Variants in DHX37 observed in about 807,000 individuals in gnomAD.
The protein encoded by DHX37 is probable ATP-dependent RNA helicase DHX37.
DHX37 carries 52 observed loss-of-function variants against 134.3 expected under a neutral mutation model. That is an observed-to-expected ratio of 0.39 (90% CI 0.31 to 0.49). DHX37 has a LOEUF of 0.49. Ranked by LOEUF, DHX37 falls within the 20% of genes least tolerant of loss-of-function variation. The pLI, the probability that DHX37 is intolerant of heterozygous loss-of-function variation, is 0.93. For missense variants in DHX37, 1,344 were observed against 1,580.8 expected (o/e 0.85, Z 2.54); for synonymous variants, 634 against 670.7 (o/e 0.95, Z 0.85).
chr12:124,964,339 A>G, intron 15 of DHX37, 55 bp downstream of exon 15: 1 of 1,602,982 alleles, frequency 6.2e-7, no homozygotes, highest in Middle Eastern at 2.1e-4. Flanking sequence ...CTTGTTCCTC[A>G]GTGGCTATTG....
rs1156376706 is a variant in DHX37 at position 124,975,458 on chromosome 12, A to G, written c.941T>C (p.Met314Thr). 1.2e-6 allele frequency: 2 copies of G among 1,612,994 alleles called. No individual in the cohort carries two copies. Among genetic ancestry groups the G allele is most frequent in the East Asian group, 4.5e-5 (2 of 44,874 alleles). Reference protein sequence around the residue: ...TEPRRVAAVAMSQRVAKEMNL... With the variant: ...TEPRRVAAVATSQRVAKEMNL... ...CATCTCCTTGGCCACTCGCTGGGAC[A>G]TGGCCACGGCGGCCACTCGGCGGGG... Residue 314 changes from methionine (M) to threonine (T), a missense_variant, in exon 6 of 27, where the codon ATG becomes ACG. This residue lies in a region of DHX37 where 32 missense variants were observed against 28.9 expected (regional missense o/e 1.11). Coordinates refer to ENST00000308736, the MANE Select transcript of DHX37 (RefSeq NM_032656.4).
intron 2 of DHX37, among the ~76,000 whole-genome samples, chr12:124,983,082 A>C (rs75697627): frequency 0.017 from 2,532 of 151,978 alleles, 65 homozygotes; most frequent in East Asian, 0.073. Flanking sequence ...TTTTTACTTT[A>C]TTGTTCTTGT....
chr12:124,957,113 G>A lies in DHX37; in HGVS notation c.2180C>T (p.Thr727Met), dbSNP rs371186622. ...AAGAAGGGCTTCCACGGAGGGGGGCGTCGGGAAGGGGAAGTTGATGACCTG... is the reference window on the plus strand; with the variant it reads ...AAGAAGGGCTTCCACGGAGGGGGGCATCGGGAAGGGGAAGTTGATGACCTG... ...VEKVINFPFPTPPSVEALLAA... is the reference protein window; with the variant it reads ...VEKVINFPFPMPPSVEALLAA... The change falls in exon 17 of 27, where the codon ACG becomes ATG. Residue 727 changes from threonine to methionine, a missense_variant. Around this residue, in one of 7 missense-constraint regions of DHX37, gnomAD observed 558 missense variants for 650.0 expected, o/e 0.86. Transcript: ENST00000308736. The A allele has an allele frequency of 2.9e-5, 43 of 1,496,124 alleles. No individual in the cohort carries two copies. Among genetic ancestry groups the A allele is most frequent in the East Asian group, 1.2e-4 (5 of 40,448 alleles). 92.7% of individuals were successfully genotyped at this position (1,496,124 alleles called of 1,614,324 possible). A position where few individuals can be genotyped will look rare whatever the true frequency, so the allele number is the denominator to read the frequency against.
rs1472363197 is a variant in DHX37 at position 124,986,269 on chromosome 12, A to G, written c.107-4T>C. On this transcript the variant is annotated splice_region_variant and splice_polypyrimidine_tract_variant and intron_variant, in intron 1 of 26. Coordinates refer to ENST00000308736, the MANE Select transcript of DHX37 (RefSeq NM_032656.4). ...ACTCCCTTCAACGTGTCCTTGTCTG[A>G]GAGAGCACAGTTATTAAGTCCCCAT... 1 of 1,612,888 alleles carries G rather than the reference A, an allele frequency of 6.2e-7. No homozygotes were observed. Among genetic ancestry groups the G allele is most frequent in the African/African-American group, 1.3e-5 (1 of 74,660 alleles).
chr12:124,982,893 A>C (rs1291529174), intron 2 of DHX37, among the ~76,000 whole-genome samples: 1 of 152,094 alleles, frequency 6.6e-6, no homozygotes, highest in Admixed American at 6.6e-5. Flanking sequence ...CCAGATGTCC[A>C]TCAACAGGAG....
At position 124,954,071 on chromosome 12, in the gene DHX37, C is replaced by T. The variant is rs375161391; in HGVS notation, c.2578+16G>A. On this transcript the variant is annotated intron_variant, in intron 19 of 26. Coordinates refer to ENST00000308736, the MANE Select transcript of DHX37 (RefSeq NM_032656.4). ...GGGTGACCCTCCCGCCACCCTCCAACGGGCAGGGCACAAACCCAGCAGCAC... is the reference window on the plus strand; with the variant it reads ...GGGTGACCCTCCCGCCACCCTCCAATGGGCAGGGCACAAACCCAGCAGCAC... The T allele has an allele frequency of 3.5e-5, 57 of 1,605,780 alleles. No individual in the cohort carries two copies. The highest frequency in any genetic ancestry group is 8.4e-5 in the Admixed American group (5 of 59,510).
Position 124,949,649 on chromosome 12 carries a change from A to T in DHX37, c.3290+337T>A, listed in dbSNP as rs1222887789. Among the ~76,000 whole-genome samples, 1 of 152,186 alleles carries T rather than the reference A, an allele frequency of 6.6e-6. No homozygotes were observed. The highest frequency in any genetic ancestry group is 1.5e-5 in the Non-Finnish European group (1 of 68,030). Reference sequence around the variant, plus strand: ...AAATGTCATGAGTTAAGGAGAGGTCATCCTGGAGTAGGGTGGGCCCTGAAT... The same window carrying T: ...AAATGTCATGAGTTAAGGAGAGGTCTTCCTGGAGTAGGGTGGGCCCTGAAT... On this transcript the variant is annotated intron_variant, in intron 25 of 26. Transcript: ENST00000308736. The surrounding 1 kb of genome is among the most constrained non-coding windows in gnomAD (Gnocchi z 4.0).
chr12:124,958,546 C>T (rs1472264020), intron 16 of DHX37, among the ~76,000 whole-genome samples: 1 of 152,204 alleles, frequency 6.6e-6, no homozygotes, highest in Non-Finnish European at 1.5e-5. Flanking sequence ...ACACTAGTAA[C>T]TCCCTCCTAG....
intron 15 of DHX37, among the ~76,000 whole-genome samples, chr12:124,964,026 A>G (rs897815915): frequency 5.3e-5 from 8 of 151,424 alleles, no homozygotes; most frequent in African/African-American, 1.9e-4. Context: ...AAATAAATAC[A>G]TATAATAAAA....
At chr12:124,963,249 G>A (rs1434624504) in intron 15 of DHX37, among the ~76,000 whole-genome samples, 2 of 152,224 alleles carry the variant, frequency 1.3e-5, no homozygotes, top group African/African-American at 2.4e-5. Context: ...GGCCAGACAC[G>A]AGGGGCCACA....
At chr12:124,982,893 A>G (rs1291529174) in intron 2 of DHX37, among the ~76,000 whole-genome samples, 1 of 152,094 alleles carries the variant, frequency 6.6e-6, no homozygotes, top group East Asian at 1.9e-4. Flanking sequence ...CCAGATGTCC[A>G]TCAACAGGAG....
chr12:124,978,705 G>A (rs1026910508), intron 4 of DHX37, among the ~76,000 whole-genome samples: 3 of 151,186 alleles, frequency 2.0e-5, no homozygotes, highest in African/African-American at 7.3e-5. Context: ...GCAGAGGACT[G>A]CTTGAGGTCA....
At position 124,964,588 on chromosome 12, in the gene DHX37, A is replaced by G; in HGVS notation, c.1851T>C (p.Val617=). The change falls in exon 15 of 27, where the codon GTT becomes GTC. Residue 617 remains valine (V), a synonymous_variant. Transcript: ENST00000308736. ...ACGTCTCGGCCACATTGGTGGCCAC[A>G]ACACACAACCGAGTCCCCTCCGGTG... The part of the protein sequence containing the change: ...KPPPEGTRLC[V]VATNVAETSL... 1 of 1,613,470 alleles carries G rather than the reference A, an allele frequency of 6.2e-7. No homozygotes were observed.
chr12:124,977,711 T>C (rs767926853), intron 4 of DHX37, among the ~76,000 whole-genome samples: 6 of 152,096 alleles, frequency 3.9e-5, no homozygotes, highest in Non-Finnish European at 7.4e-5. Flanking sequence ...CAGGCACAGC[T>C]TGGTTGGGGC....
intron 14 of DHX37, 95 bp from the exon 15 acceptor site, chr12:124,964,721 C>G (rs1162747867): frequency 3.9e-6 from 6 of 1,543,828 alleles, no homozygotes; most frequent in Non-Finnish European, 5.2e-6. Flanking sequence ...GGCTGGTGTG[C>G]TGGAGACGTA....
At chr12:124,973,077 G>A (rs1954552386) in intron 6 of DHX37, among the ~76,000 whole-genome samples, 1 of 152,214 alleles carries the variant, frequency 6.6e-6, no homozygotes, top group African/African-American at 2.4e-5. Context: ...AAGAGGTTGA[G>A]GCTGCACTGA....
At chr12:124,961,305 C>G (rs552489069) in intron 15 of DHX37, among the ~76,000 whole-genome samples, 1 of 146,064 alleles carries the variant, frequency 6.8e-6, no homozygotes, top group African/African-American at 2.7e-5. Context: ...CGTGCACGCA[C>G]GCACACACAC....
In DHX37 at chr12:124,949,134, C is replaced by T. The variant is rs1953925037; in HGVS notation, c.3290+852G>A. Among the ~76,000 whole-genome samples the T allele has an allele frequency of 6.6e-6, 1 of 152,222 alleles. No individual in the cohort carries two copies. On this transcript the variant is annotated intron_variant, in intron 25 of 26. Coordinates refer to ENST00000308736, the MANE Select transcript of DHX37 (RefSeq NM_032656.4). The surrounding 1 kb of genome is among the most constrained non-coding windows in gnomAD (Gnocchi z 4.0). ...TCTGTCCCTCTGGGGCCGAGCAACG[C>T]TGCTGTGGGACAGAGATCGTGTCTG... is the stretch of plus-strand genomic sequence containing the variant.
At chr12:124,984,206 A>G (rs929473297) in intron 2 of DHX37, among the ~76,000 whole-genome samples, 6 of 152,170 alleles carry the variant, frequency 3.9e-5, no homozygotes, top group African/African-American at 1.2e-4. Flanking sequence ...ACTAATGTAC[A>G]AAAAGCTCAG....
Sources: gnomAD v4.1 joint callset for allele counts (sites outside exome capture counted in the v4.1 genomes callset) on GRCh38, gnomAD v4.1.1 for gene constraint, gnomAD v4.1.1 regional missense constraint, Gnocchi (gnomAD v3.1) non-coding constraint, MANE v1.5 for transcripts, NCBI Gene and HGNC (gene_info 2026-07-23, HGNC 2026-07-21) for gene names.